Variants in ATL1 observed in about 807,000 individuals in gnomAD.
ATL1 encodes atlastin GTPase 1.
ATL1 carries 31 observed loss-of-function variants against 75.5 expected under a neutral mutation model. The observed-to-expected ratio is 0.41, with a 90% CI of 0.31 to 0.55. ATL1 has a LOEUF of 0.55. Among genes scored for constraint, ATL1 ranks in the 20% least tolerant of loss-of-function variants. The pLI, the probability that ATL1 is intolerant of heterozygous loss-of-function variation, is 0.27. For missense variants in ATL1, 405 were observed against 662.6 expected (o/e 0.61, Z 4.27); for synonymous variants, 226 against 233.3 (o/e 0.97, Z 0.28).
rs1012341697 is a variant in ATL1, at chr14:50,603,071, ATAGT to A, written c.630+7444_630+7447del. On this transcript the variant is annotated intron_variant, in intron 6 of 13. Transcript: ENST00000358385. The stretch of plus-strand genomic sequence containing the variant: ...TTTCTATGTACATTTCTGTGTACAG[ATAGT>A]TAGTAGATTAAGGTTGGCCTGTAAT... Among the ~76,000 whole-genome samples the A allele has an allele frequency of 2.6e-5, 4 of 152,188 alleles. 1 individual carries two copies. Among genetic ancestry groups the A allele is most frequent in the South Asian group, 4.1e-4 (2 of 4,830 alleles).
At chr14:50,539,319 G>A (rs2038533012) in intron 1 of ATL1, among the ~76,000 whole-genome samples, 1 of 152,198 alleles carries the variant, frequency 6.6e-6, no homozygotes, top group Non-Finnish European at 1.5e-5. Flanking sequence ...TAAAATTATT[G>A]TGTCATTTGG....
intron 12 of ATL1, among the ~76,000 whole-genome samples, chr14:50,628,802 C>T (rs938706283): frequency 7.9e-5 from 12 of 152,156 alleles, no homozygotes; most frequent in Non-Finnish European, 1.3e-4. Flanking sequence ...CTGCAACCTC[C>T]GCCTCCCAGG....
Position 50,542,652 on chromosome 14 carries a change from GT to G in ATL1, c.-140+9294del, listed in dbSNP as rs200016265. Reference sequence around the variant, plus strand: ...ACCTGCCCTTACTTCTTTGCCACCTGTTTTTTTTTCAACCCATTATCTATAG... The same window carrying G: ...ACCTGCCCTTACTTCTTTGCCACCTGTTTTTTTTCAACCCATTATCTATAG... On this transcript the variant is annotated intron_variant, in intron 1 of 13. Transcript: ENST00000441560. The G allele has an allele frequency of 1.2e-3, 183 of 150,458 alleles. 2 individuals are homozygous for G. In the South Asian group the frequency reaches 0.034, roughly 28 times the overall value. 9.3% of individuals were successfully genotyped at this position (150,458 alleles called of 1,614,324 possible).
intron 9 of ATL1, 25 bp from the exon 10 acceptor site, chr14:50,621,818 C>T (rs887614168): frequency 2.1e-6 from 3 of 1,454,586 alleles, no homozygotes; most frequent in African/African-American, 2.8e-5. Flanking sequence ...ATTGCTTGAA[C>T]ATGAATCTTT....
At chr14:50,553,200 G>A (rs2038724197) in intron 1 of ATL1, among the ~76,000 whole-genome samples, 1 of 151,366 alleles carries the variant, frequency 6.6e-6, no homozygotes, top group Non-Finnish European at 1.5e-5. Context: ...GGAGGCTGAA[G>A]CAGGAGAATG....
At chr14:50,565,418 G>A (rs2038894071) in intron 1 of ATL1, among the ~76,000 whole-genome samples, 1 of 151,950 alleles carries the variant, frequency 6.6e-6, no homozygotes, top group African/African-American at 2.4e-5. Flanking sequence ...CCAGGAGGTA[G>A]AGGTTGCAGT....
chr14:50,536,456 AAT>A (rs2038494479), intron 1 of ATL1, among the ~76,000 whole-genome samples: 1 of 148,552 alleles, frequency 6.7e-6, no homozygotes, highest in African/African-American at 2.6e-5. Context: ...AAAAAAAAAA[AAT>A]TGTTACCAGT....
intron 1 of ATL1, 138 bp from the exon 2 acceptor site, chr14:50,587,693 G>A: frequency 2.5e-6 from 3 of 1,196,050 alleles, no homozygotes; most frequent in Non-Finnish European, 2.4e-6. Context: ...ACAGGCATGA[G>A]CCACTGCACC....
At chr14:50,616,045 G>A (rs1403104952) in intron 8 of ATL1, among the ~76,000 whole-genome samples, 2 of 152,114 alleles carry the variant, frequency 1.3e-5, no homozygotes, top group Non-Finnish European at 2.9e-5. Flanking sequence ...CCAGGCTGGA[G>A]TGCAGTGGTG....
At chr14:50,606,294 A>G (rs545188085) in intron 6 of ATL1, among the ~76,000 whole-genome samples, 15 of 152,094 alleles carry the variant, frequency 9.9e-5, no homozygotes, top group African/African-American at 3.6e-4. Flanking sequence ...GGCCACAGTT[A>G]TTCTCATTTT....
chr14:50,579,830 A>G (rs2039039787), intron 1 of ATL1, among the ~76,000 whole-genome samples: 1 of 152,174 alleles, frequency 6.6e-6, no homozygotes, highest in Non-Finnish European at 1.5e-5. Flanking sequence ...GGTAGTATTT[A>G]TATCACAGAA....
At chr14:50,544,694 G>A (rs2038605882) in intron 1 of ATL1, among the ~76,000 whole-genome samples, 1 of 152,032 alleles carries the variant, frequency 6.6e-6, no homozygotes, top group African/African-American at 2.4e-5. Context: ...AGAGCTTTGG[G>A]AGGCTGAGGT....
chr14:50,624,947 A>C (rs879849289), intron 11 of ATL1, among the ~76,000 whole-genome samples: 2 of 149,542 alleles, frequency 1.3e-5, no homozygotes, highest in African/African-American at 2.4e-5. Flanking sequence ...GCACATGCCC[A>C]TAGTCCCAGT....
chr14:50,594,009 AG>A (rs1194952198), intron 5 of ATL1, 113 bp downstream of exon 5: 1 of 840,514 alleles, frequency 1.2e-6, no homozygotes, highest in African/African-American at 1.7e-5. Context: ...CTGTTTAAAC[AG>A]GAACTATTGG....
chr14:50,591,148 T>C (rs1425933236), intron 3 of ATL1, 73 bp downstream of exon 3: 11 of 1,466,996 alleles, frequency 7.5e-6, no homozygotes, highest in African/African-American at 2.8e-5. Flanking sequence ...ATCCTTGAAG[T>C]TGCACTTTTG....
At chr14:50,544,192 C>A (rs2038599164) in intron 1 of ATL1, among the ~76,000 whole-genome samples, 1 of 152,200 alleles carries the variant, frequency 6.6e-6, no homozygotes, top group South Asian at 2.1e-4. Flanking sequence ...GGACTTGGAT[C>A]CTCTGAGACT....
intron 1 of ATL1, among the ~76,000 whole-genome samples, chr14:50,577,696 A>G (rs1359561908): frequency 1.3e-5 from 2 of 152,102 alleles, no homozygotes; most frequent in Admixed American, 6.6e-5. Flanking sequence ...GTAACCACCA[A>G]TCTACTTTCT....
intron 13 of ATL1, chr14:50,631,021 G>T: frequency 2.2e-6 from 1 of 450,882 alleles, no homozygotes; most frequent in South Asian, 1.6e-5. Flanking sequence ...CACTTTGGGA[G>T]ACTGAGGTGG....
chr14:50,617,500 G>A (rs979876580), intron 8 of ATL1, among the ~76,000 whole-genome samples: 3 of 152,190 alleles, frequency 2.0e-5, no homozygotes, highest in East Asian at 3.8e-4. Flanking sequence ...AGTCAAATGC[G>A]TGTTTCCAAT....
Sources: allele counts gnomAD v4.1 joint callset (sites outside exome capture counted in the v4.1 genomes callset), GRCh38; gene constraint gnomAD v4.1.1; transcripts MANE v1.5; gene names NCBI Gene and HGNC (gene_info 2026-07-23, HGNC 2026-07-21).